GOLM2: variants seen among roughly 807,000 people sequenced by gnomAD.
GOLM2 encodes the protein protein GOLM2.
GOLM2 carries 26 observed loss-of-function variants against 55.9 expected under a neutral mutation model. That is an observed-to-expected ratio of 0.47 (90% CI 0.34 to 0.65). The LOEUF (loss-of-function observed/expected upper bound fraction) is 0.65. GOLM2 is among the 30% of genes least tolerant of loss of function. GOLM2 has a pLI of 0.01. For missense variants in GOLM2, 486 were observed against 531.8 expected (o/e 0.91, Z 0.85); for synonymous variants, 165 against 194.6 (o/e 0.85, Z 1.27).
At chr15:44,290,816 T>C (rs2141101306) in intron 1 of GOLM2, among the ~76,000 whole-genome samples, 1 of 152,334 alleles carries the variant, frequency 6.6e-6, no homozygotes, top group African/African-American at 2.4e-5. Flanking sequence ...GTTGTTGTTT[T>C]TTGAGACGGA....
At position 44,413,612 on chromosome 15, in the gene GOLM2, G is replaced by T; in HGVS notation, c.*206G>T. On this transcript the variant is annotated 3_prime_UTR_variant, in exon 10 of 10. Transcript: ENST00000299957. ...GTATTATCAAGGTATAGACTTTTTTGGTTATGATACAGTTAAGCCAAAAAC... is the reference window on the plus strand; with the variant it reads ...GTATTATCAAGGTATAGACTTTTTTTGTTATGATACAGTTAAGCCAAAAAC... 1 of 443,522 alleles carries T rather than the reference G, an allele frequency of 2.3e-6. No individual in the cohort carries two copies. Among genetic ancestry groups the T allele is most frequent in the Non-Finnish European group, 4.1e-6 (1 of 245,260 alleles). The allele number at this position is 443,522 out of a possible 1,614,324, so 27.5% of individuals were successfully genotyped here.
At chr15:44,369,068 T>C (rs1220720442) in intron 6 of GOLM2, among the ~76,000 whole-genome samples, 51 of 5,828 alleles carry the variant, frequency 8.8e-3, no homozygotes, top group Non-Finnish European at 0.012. Flanking sequence ...TAGGATATAT[T>C]ATATATATAT....
At chr15:44,395,363 A>G (rs949483205) in intron 8 of GOLM2, among the ~76,000 whole-genome samples, 4 of 151,994 alleles carry the variant, frequency 2.6e-5, no homozygotes, top group Admixed American at 6.6e-5. Flanking sequence ...GTAAACGAAC[A>G]TCAGACTAAT....
chr15:44,378,800 C>A (rs1485304056), intron 6 of GOLM2, among the ~76,000 whole-genome samples: 1 of 151,648 alleles, frequency 6.6e-6, no homozygotes, highest in African/African-American at 2.4e-5. Flanking sequence ...GGTTGCAGTG[C>A]AATGGCGCGA....
chr15:44,360,438 G>T (rs951984240), intron 6 of GOLM2, among the ~76,000 whole-genome samples: 4 of 152,056 alleles, frequency 2.6e-5, no homozygotes, highest in African/African-American at 9.7e-5. Flanking sequence ...AACCAACAAA[G>T]ATCAAAAGAG....
intron 1 of GOLM2, among the ~76,000 whole-genome samples, chr15:44,310,438 T>TTCTCTCTCTC (rs778563022): frequency 1.7e-3 from 232 of 136,524 alleles, no homozygotes; most frequent in African/African-American, 5.7e-3. Flanking sequence ...GAGTCTCTCT[T>TTCTCTCTCTC]TCTCTCTCTC....
chr15:44,341,483 G>A (rs1251403491), intron 6 of GOLM2, among the ~76,000 whole-genome samples: 1 of 151,998 alleles, frequency 6.6e-6, no homozygotes, highest in Non-Finnish European at 1.5e-5. Context: ...CCAGCCACCA[G>A]GAAATTCCAG....
intron 9 of GOLM2, among the ~76,000 whole-genome samples, chr15:44,412,776 G>A (rs2079646821): frequency 6.6e-6 from 1 of 152,070 alleles, no homozygotes; most frequent in Non-Finnish European, 1.5e-5. Flanking sequence ...GCCGAGGTGG[G>A]CAGATCACCT....
chr15:44,341,611 T>G (rs1242833039), intron 6 of GOLM2, among the ~76,000 whole-genome samples: 2 of 151,996 alleles, frequency 1.3e-5, no homozygotes, highest in Non-Finnish European at 2.9e-5. Flanking sequence ...TATGAACCAC[T>G]CCAGCAGGAT....
chr15:44,326,011 C>T (rs1205676761), intron 2 of GOLM2, among the ~76,000 whole-genome samples: 1 of 152,004 alleles, frequency 6.6e-6, no homozygotes, highest in Non-Finnish European at 1.5e-5. Flanking sequence ...CGCTTGTAAT[C>T]CCAGCACTTT....
intron 1 of GOLM2, among the ~76,000 whole-genome samples, chr15:44,294,140 C>A (rs1460462331): frequency 6.6e-6 from 1 of 152,134 alleles, no homozygotes; most frequent in Non-Finnish European, 1.5e-5. Flanking sequence ...TACCCTACAC[C>A]CAGTTTCATT....
intron 1 of GOLM2, among the ~76,000 whole-genome samples, chr15:44,297,233 G>T (rs572006383): frequency 6.6e-6 from 1 of 152,202 alleles, no homozygotes; most frequent in Admixed American, 6.5e-5. Context: ...CCTTTCCTTG[G>T]TCTCCATTTC....
chr15:44,392,470 A>G (rs2079497237), intron 8 of GOLM2, among the ~76,000 whole-genome samples: 1 of 152,018 alleles, frequency 6.6e-6, no homozygotes, highest in Admixed American at 6.6e-5. Flanking sequence ...TAAAAATACA[A>G]AAATTAGCTG....
At chr15:44,293,180 T>C (rs570576224) in intron 1 of GOLM2, among the ~76,000 whole-genome samples, 13 of 152,324 alleles carry the variant, frequency 8.5e-5, no homozygotes, top group African/African-American at 3.1e-4. Flanking sequence ...TCCTCCTGCC[T>C]TGGCCTTCTA....
chr15:44,311,155 T>C (rs1393758514), intron 1 of GOLM2, among the ~76,000 whole-genome samples: 2 of 152,228 alleles, frequency 1.3e-5, no homozygotes, highest in African/African-American at 2.4e-5. Flanking sequence ...TTTATACTTA[T>C]ACATGTTCTA....
chr15:44,322,836 A>T, intron 1 of GOLM2, 129 bp from the exon 2 acceptor site: 2 of 557,136 alleles, frequency 3.6e-6, no homozygotes, highest in Non-Finnish European at 6.4e-6. Flanking sequence ...TTTTGGAAAG[A>T]GGTAGAGTAT....
chr15:44,316,799 AC>A (rs2078913321), intron 1 of GOLM2, among the ~76,000 whole-genome samples: 3 of 151,994 alleles, frequency 2.0e-5, no homozygotes, highest in Non-Finnish European at 2.9e-5. Context: ...AGACTGGGCA[AC>A]ATGGCAAAAC....
intron 8 of GOLM2, among the ~76,000 whole-genome samples, chr15:44,401,850 A>ATTTT (rs2079567494): frequency 7.6e-6 from 1 of 130,954 alleles, no homozygotes. Context: ...TTTTTTTGAG[A>ATTTT]TGGAGTCTCA....
At chr15:44,373,170 C>G (rs1439062513) in intron 6 of GOLM2, among the ~76,000 whole-genome samples, 2 of 152,184 alleles carry the variant, frequency 1.3e-5, no homozygotes, top group Non-Finnish European at 2.9e-5. Context: ...TAAAACAGTT[C>G]TGGGCGGCCG....
Sources: gnomAD v4.1 joint callset for allele counts (sites outside exome capture counted in the v4.1 genomes callset) on GRCh38, gnomAD v4.1.1 for gene constraint, MANE v1.5 for transcripts, NCBI Gene and HGNC (gene_info 2026-07-23, HGNC 2026-07-21) for gene names.